The following PACS2 variants were observed in gnomAD, a reference collection of about 807,000 sequenced individuals.
PACS2 encodes phosphofurin acidic cluster sorting protein 2.
Under a neutral mutation model 113.0 loss-of-function variants are expected in PACS2, and 36 were observed. The observed-to-expected ratio is 0.32, with a 90% CI of 0.24 to 0.42. The LOEUF (loss-of-function observed/expected upper bound fraction) is 0.42, where lower values mean the gene tolerates loss of function less well. Among genes scored for constraint, PACS2 ranks in the 10% least tolerant of loss-of-function variants. PACS2 has a pLI of 1.00. For synonymous variants in PACS2, 589 were observed against 536.1 expected (o/e 1.10, Z -1.36); for missense variants, 1,015 against 1,239.5 (o/e 0.82, Z 2.72).
In PACS2 at chr14:105,317,313, T is replaced by C. The variant is rs2058710726; in HGVS notation, c.119+2276T>C. Among the ~76,000 whole-genome samples the C allele has an allele frequency of 6.6e-6, 1 of 152,142 alleles. No homozygotes were observed. The highest frequency in any genetic ancestry group is 2.4e-5 in the African/African-American group (1 of 41,418). ...ATCGTGTGCCAGTCTTCTGCGTGTG[T>C]CTTTCTGGATGGGCAGGGCCTGTCT... On this transcript the variant is annotated intron_variant, in intron 1 of 24. Transcript: ENST00000447393. The surrounding 1 kb of genome is among the most constrained non-coding windows in gnomAD (Gnocchi z 4.2).
intron 19 of PACS2, 24 bp downstream of exon 19, chr14:105,385,741 C>G: frequency 6.9e-7 from 1 of 1,459,046 alleles, no homozygotes; most frequent in Non-Finnish European, 9.1e-7. Flanking sequence ...GGTCTGCCTC[C>G]CACCCTGTCT....
chr14:105,380,478 A>G (rs1362916192), intron 11 of PACS2, among the ~76,000 whole-genome samples: 1 of 111,984 alleles, frequency 8.9e-6, no homozygotes, highest in Non-Finnish European at 1.9e-5. Flanking sequence ...CCCCACCCTC[A>G]GGGTCAGGGC....
rs10141888 is a variant in PACS2, at chr14:105,396,236, G to A, written c.*1564G>A. 19,851 of 152,388 alleles carry A rather than the reference G, an allele frequency of 0.13. 4,421 individuals carry two copies. Among genetic ancestry groups the A allele is most frequent in the African/African-American group, 0.45 (18,782 of 41,428 alleles). 9.4% of individuals were successfully genotyped at this position (152,388 alleles called of 1,614,324 possible). ...GGAGGCAGAGCCCCAGCCCCTCCCA[G>A]CCAGAGCCCCTCCACACCAGGGACT... On this transcript the variant is annotated 3_prime_UTR_variant, in exon 25 of 25. Transcript: ENST00000447393.
chr14:105,336,314 C>A (rs992103857), intron 1 of PACS2: 1 of 152,492 alleles, frequency 6.6e-6, no homozygotes, highest in East Asian at 1.9e-4. Context: ...CTCAGAAATC[C>A]GTGAAGTGCT....
intron 7 of PACS2, among the ~76,000 whole-genome samples, chr14:105,369,024 G>T (rs1438170153): frequency 6.6e-6 from 1 of 152,242 alleles, no homozygotes; most frequent in African/African-American, 2.4e-5. Flanking sequence ...TGGCACAGAG[G>T]GTCCACCGCC....
In PACS2 at chr14:105,314,792, C is replaced by T; in HGVS notation, c.-127C>T. ...GGGCCTGTCCGACGCCGGGGCCCGG[C>T]CCGTCCCCTCCGCCGCCCGGCAGCC... On this transcript the variant is annotated 5_prime_UTR_variant, in exon 1 of 25. Transcript: ENST00000447393. The T allele has an allele frequency of 4.5e-6, 1 of 219,946 alleles. No homozygotes were observed. The highest frequency in any genetic ancestry group is 1.6e-4 in the South Asian group (1 of 6,272). 13.6% of individuals were successfully genotyped at this position (219,946 alleles called of 1,614,324 possible). A position where few individuals can be genotyped will look rare whatever the true frequency, so the allele number is the denominator to read the frequency against.
rs587743447 is a variant in PACS2, at chr14:105,392,865, A to G, written c.2482+20A>G. 58 of 1,552,596 alleles carry G rather than the reference A, an allele frequency of 3.7e-5. No individual in the cohort carries two copies. The East Asian group carries it at 1.2e-3, about 32-fold the overall frequency. On this transcript the variant is annotated intron_variant, in intron 23 of 24. Coordinates refer to ENST00000447393, the MANE Select transcript of PACS2 (RefSeq NM_001100913.3). ...AGAAGGGTGAGGTGGGGCAGGCTAT[A>G]AGGCCACACGGCGCAGAAGGGCGGC...
At position 105,337,643 on chromosome 14, in the gene PACS2, T is replaced by C. The variant is rs587707617; in HGVS notation, c.120-10850T>C. Among the ~76,000 whole-genome samples the C allele has an allele frequency of 2.0e-5, 3 of 152,288 alleles. No homozygotes were observed. The South Asian group carries it at 6.2e-4, about 32-fold the overall frequency. ...CTTAGGTGGCAACCCTGCGAGGAGC[T>C]TGGGCCTCTCGTCTTTTGGGTTCCT... On this transcript the variant is annotated intron_variant, in intron 1 of 24. Coordinates refer to ENST00000447393, the MANE Select transcript of PACS2 (RefSeq NM_001100913.3).
intron 9 of PACS2, among the ~76,000 whole-genome samples, chr14:105,379,503 C>T (rs1032857055): frequency 1.3e-5 from 2 of 152,160 alleles, no homozygotes; most frequent in Non-Finnish European, 2.9e-5. Flanking sequence ...AGAACCAGGA[C>T]GGGGCAGCCA....
chr14:105,305,032 G>A (rs1370126400), intron 1 of PACS2, among the ~76,000 whole-genome samples: 1 of 152,194 alleles, frequency 6.6e-6, no homozygotes, highest in Non-Finnish European at 1.5e-5. Flanking sequence ...CCAAGGCGAT[G>A]GTTTTAGAGA....
chr14:105,306,760 T>C (rs1461320447), intron 1 of PACS2, among the ~76,000 whole-genome samples: 1 of 152,154 alleles, frequency 6.6e-6, no homozygotes, highest in Non-Finnish European at 1.5e-5. Flanking sequence ...CACCTGCCAC[T>C]GCGCCCAGCT....
At chr14:105,379,563 G>C (rs955264465) in intron 9 of PACS2, among the ~76,000 whole-genome samples, 176 bp from the exon 10 acceptor site, 2 of 152,212 alleles carry the variant, frequency 1.3e-5, no homozygotes, top group Non-Finnish European at 2.9e-5. Flanking sequence ...TCTGTGCCCT[G>C]TGCTGCAGCT....
chr14:105,310,049 G>T (rs1209772768), upstream of PACS2, among the ~76,000 whole-genome samples: 2 of 151,800 alleles, frequency 1.3e-5, no homozygotes, highest in East Asian at 3.9e-4. Context: ...CTCCCAAAGT[G>T]CTGGGATTAC....
chr14:105,369,956 G>T (rs587642948), intron 8 of PACS2, 56 bp downstream of exon 8: 10 of 1,461,834 alleles, frequency 6.8e-6, no homozygotes, highest in Non-Finnish European at 9.3e-6. Context: ...GCACCTGGTC[G>T]GGAGGAGGCC....
In PACS2 at chr14:105,351,258, C is replaced by T. The variant is rs782203655; in HGVS notation, c.208-1120C>T. Among the ~76,000 whole-genome samples, 105 of 152,356 alleles carry T rather than the reference C, an allele frequency of 6.9e-4. 1 individual carries two copies. Among genetic ancestry groups the T allele is most frequent in the Middle Eastern group, 3.4e-3 (1 of 294 alleles). On this transcript the variant is annotated intron_variant, in intron 2 of 24. Coordinates refer to ENST00000447393, the MANE Select transcript of PACS2 (RefSeq NM_001100913.3). The stretch of plus-strand genomic sequence containing the variant: ...ATTTAAAACAGCACTGCGATAAGCA[C>T]GTTCAATCCATTAGGAATCTATTTT...
At position 105,317,017 on chromosome 14, in the gene PACS2, C is replaced by T. The variant is rs1453297931; in HGVS notation, c.119+1980C>T. On this transcript the variant is annotated intron_variant, in intron 1 of 24. Coordinates refer to ENST00000447393, the MANE Select transcript of PACS2 (RefSeq NM_001100913.3). The surrounding 1 kb of genome is among the most constrained non-coding windows in gnomAD (Gnocchi z 4.2). ...ACAGGGCCCCTCATAGGCGGGCTTGCCCCTAGCTTTGCTTTGTGCTTGTGC... is the reference window on the plus strand; with the variant it reads ...ACAGGGCCCCTCATAGGCGGGCTTGTCCCTAGCTTTGCTTTGTGCTTGTGC... Among the ~76,000 whole-genome samples the T allele has an allele frequency of 6.6e-6, 1 of 152,214 alleles. No homozygotes were observed. Among genetic ancestry groups the T allele is most frequent in the African/African-American group, 2.4e-5 (1 of 41,452 alleles).
Position 105,340,273 on chromosome 14 carries a change from TAACTG to T in PACS2, c.120-8216_120-8212del, listed in dbSNP as rs2059674057. ...TACTTCTGGGTAAATGGTTTGGTGA[TAACTG>T]AACATTCATGTAGGAAATAAAATGC... On this transcript the variant is annotated intron_variant, in intron 1 of 24. Coordinates refer to ENST00000447393, the MANE Select transcript of PACS2 (RefSeq NM_001100913.3). This position sits in a 1 kb window ranked among gnomAD's most constrained non-coding sequence, Gnocchi z 4.2. Among the ~76,000 whole-genome samples, 1 of 152,214 alleles carries T rather than the reference TAACTG, an allele frequency of 6.6e-6. No individual in the cohort carries two copies. The highest frequency in any genetic ancestry group is 1.5e-5 in the Non-Finnish European group (1 of 68,034).
At chr14:105,312,465 C>A (rs587595181), upstream of PACS2, among the ~76,000 whole-genome samples, 5 of 152,362 alleles carry the variant, frequency 3.3e-5, no homozygotes, top group South Asian at 1.0e-3. Context: ...CCGTGCCCAG[C>A]CACCCCAGTC....
Position 105,315,189 on chromosome 14 carries a change from G to T in PACS2, c.119+152G>T. ...GCCCGCCGGTTCGACGCGTGCAGCC[G>T]CCGCCCCCCCGCAGCTCCGGCAAGC... On this transcript the variant is annotated intron_variant, in intron 1 of 24. Coordinates refer to ENST00000447393, the MANE Select transcript of PACS2 (RefSeq NM_001100913.3). The surrounding 1 kb of genome is among the most constrained non-coding windows in gnomAD (Gnocchi z 4.4). The T allele has an allele frequency of 6.7e-6, 2 of 299,330 alleles. No individual in the cohort carries two copies. Among genetic ancestry groups the T allele is most frequent in the Non-Finnish European group, 1.0e-5 (2 of 196,454 alleles). The allele number at this position is 299,330 out of a possible 1,614,324, so 18.5% of individuals were successfully genotyped here.
Sources: gnomAD v4.1 joint callset for allele counts (sites outside exome capture counted in the v4.1 genomes callset) on GRCh38, gnomAD v4.1.1 for gene constraint, Gnocchi (gnomAD v3.1) non-coding constraint, MANE v1.5 for transcripts, NCBI Gene and HGNC (gene_info 2026-07-23, HGNC 2026-07-21) for gene names.